The following PEBP4 variants were observed in gnomAD, a reference collection of about 807,000 sequenced individuals.
PEBP4 encodes phosphatidylethanolamine binding protein 4.
Under a neutral mutation model 23.9 loss-of-function variants are expected in PEBP4, and 22 were observed. The ratio of observed to expected loss-of-function variants is 0.92; its 90% CI spans 0.66 to 1.31. PEBP4 has a LOEUF of 1.31. Ranked by LOEUF, PEBP4 falls within the 40% of genes most tolerant of loss-of-function variation. PEBP4 has a pLI of 0.00. For synonymous variants in PEBP4, 112 were observed against 99.3 expected (o/e 1.13, Z -0.76); for missense variants, 324 against 281.7 (o/e 1.15, Z -1.07).
At chr8:22,888,859 T>C (rs1260207235) in intron 3 of PEBP4, among the ~76,000 whole-genome samples, 1 of 152,208 alleles carries the variant, frequency 6.6e-6, no homozygotes, top group African/African-American at 2.4e-5. Flanking sequence ...TTCTTACACC[T>C]TATTCCCCAT....
intron 2 of PEBP4, among the ~76,000 whole-genome samples, chr8:22,925,996 GAC>G (rs1452912449): frequency 6.6e-6 from 1 of 152,146 alleles, no homozygotes; most frequent in Non-Finnish European, 1.5e-5. Context: ...TGTTTTTTGA[GAC>G]AGAGTCTTGG....
chr8:22,917,153 C>G (rs1382525579), intron 3 of PEBP4, among the ~76,000 whole-genome samples: 1 of 151,910 alleles, frequency 6.6e-6, no homozygotes, highest in Non-Finnish European at 1.5e-5. Flanking sequence ...CAGGCATGTC[C>G]AATGGCAGTC....
At chr8:22,917,865 C>G (rs1350760129) in intron 3 of PEBP4, among the ~76,000 whole-genome samples, 1 of 152,148 alleles carries the variant, frequency 6.6e-6, no homozygotes, top group Non-Finnish European at 1.5e-5. Context: ...AAACACAAAC[C>G]TAAGGCTGTT....
chr8:22,727,340 G>T, intron 4 of PEBP4, 120 bp from the exon 5 acceptor site: 1 of 961,638 alleles, frequency 1.0e-6, no homozygotes, highest in Non-Finnish European at 1.6e-6. Flanking sequence ...GAGGATGGGA[G>T]AAGAAGTAGG....
intron 3 of PEBP4, among the ~76,000 whole-genome samples, chr8:22,913,263 C>T (rs1184867637): frequency 6.6e-6 from 1 of 152,156 alleles, no homozygotes; most frequent in African/African-American, 2.4e-5. Flanking sequence ...AGTCCTGGAA[C>T]GATCCAGATC....
intron 3 of PEBP4, among the ~76,000 whole-genome samples, chr8:22,824,577 T>A (rs1185063044): frequency 6.6e-6 from 1 of 152,196 alleles, no homozygotes; most frequent in Non-Finnish European, 1.5e-5. Flanking sequence ...TACATTATAA[T>A]CGATAATGAA....
intron 4 of PEBP4, among the ~76,000 whole-genome samples, chr8:22,741,115 G>A (rs772882887): frequency 1.2e-4 from 18 of 152,110 alleles, no homozygotes; most frequent in Admixed American, 2.6e-4. Context: ...GGGCAGCCCC[G>A]GTGTGCAGGT....
intron 3 of PEBP4, among the ~76,000 whole-genome samples, chr8:22,829,443 C>T (rs534262648): frequency 6.6e-6 from 1 of 152,230 alleles, no homozygotes; most frequent in African/African-American, 2.4e-5. Context: ...CCTGACCCCT[C>T]TCTTAGTAGG....
chr8:22,902,933 G>C (rs1808739601), intron 3 of PEBP4, among the ~76,000 whole-genome samples: 1 of 152,222 alleles, frequency 6.6e-6, no homozygotes, highest in African/African-American at 2.4e-5. Flanking sequence ...ACACGCTGTA[G>C]GGGTTGGGGA....
At chr8:22,846,496 C>T (rs1402443223) in intron 3 of PEBP4, among the ~76,000 whole-genome samples, 1 of 152,190 alleles carries the variant, frequency 6.6e-6, no homozygotes, top group Non-Finnish European at 1.5e-5. Context: ...CCACCCTAAA[C>T]CTACCTTTTC....
chr8:22,887,591 T>G (rs1299785178), intron 3 of PEBP4: 3 of 151,850 alleles, frequency 2.0e-5, no homozygotes, highest in Non-Finnish European at 4.4e-5. Flanking sequence ...ATGGAAAAAC[T>G]CCATCTCTAT....
rs373558289 is a variant in PEBP4 at position 22,788,891 on chromosome 8, A to G, written c.357+28746T>C. The stretch of plus-strand genomic sequence containing the variant: ...ATAATATAAAAAAAAAGCAGATACA[A>G]CCTAATGTCCAATAGTAGAGGATTG... On this transcript the variant is annotated intron_variant, in intron 4 of 6. Transcript: ENST00000256404. 3.2e-4 allele frequency among the ~76,000 whole-genome samples: 48 copies of G among 152,280 alleles called. No individual in the cohort carries two copies. In the South Asian group the frequency reaches 1.0e-2, roughly 32 times the overall value.
intron 3 of PEBP4, among the ~76,000 whole-genome samples, chr8:22,853,520 G>T (rs1306824049): frequency 6.6e-6 from 1 of 152,210 alleles, no homozygotes; most frequent in Non-Finnish European, 1.5e-5. Context: ...AAGTAGGAAG[G>T]TACCCTTCTT....
intron 4 of PEBP4, among the ~76,000 whole-genome samples, chr8:22,807,420 GA>G (rs1182817771): frequency 1.3e-5 from 2 of 152,122 alleles, no homozygotes; most frequent in Non-Finnish European, 2.9e-5. Flanking sequence ...CTTCAAGTAG[GA>G]AAGCAATATG....
intron 4 of PEBP4, among the ~76,000 whole-genome samples, chr8:22,739,013 G>C (rs975284407): frequency 1.3e-5 from 2 of 152,162 alleles, no homozygotes; most frequent in African/African-American, 4.8e-5. Context: ...CATGCAATTA[G>C]GAAAAGAGGG....
At chr8:22,790,249 G>C (rs1176134918) in intron 4 of PEBP4, among the ~76,000 whole-genome samples, 4 of 152,170 alleles carry the variant, frequency 2.6e-5, no homozygotes, top group Non-Finnish European at 5.9e-5. Context: ...CACATGTGCA[G>C]GCAGAGAGCT....
At chr8:22,739,662 GC>G (rs1191257224) in intron 4 of PEBP4, among the ~76,000 whole-genome samples, 2 of 152,044 alleles carry the variant, frequency 1.3e-5, no homozygotes, top group Non-Finnish European at 2.9e-5. Flanking sequence ...GCTGACTGAT[GC>G]CCCCCTCCCC....
chr8:22,762,755 G>A (rs1211412302), intron 4 of PEBP4, among the ~76,000 whole-genome samples: 1 of 152,144 alleles, frequency 6.6e-6, no homozygotes, highest in Non-Finnish European at 1.5e-5. Context: ...AAGAACTGTG[G>A]AGTCTTGGGG....
chr8:22,728,559 T>TCTTTCTTTCTTCCTTCCTTCCTTC (rs1462225042), intron 4 of PEBP4, among the ~76,000 whole-genome samples: 34 of 96,356 alleles, frequency 3.5e-4, no homozygotes, highest in African/African-American at 1.3e-3. Context: ...TTTCTTTCTT[T>TCTTTCTTTCTTCCTTCCTTCCTTC]CTTCCTTCCT....
Sources: allele counts gnomAD v4.1 joint callset (sites outside exome capture counted in the v4.1 genomes callset), GRCh38; gene constraint gnomAD v4.1.1; transcripts MANE v1.5; gene names NCBI Gene and HGNC (gene_info 2026-07-23, HGNC 2026-07-21).